Variants in EXOC6B observed in about 807,000 individuals in gnomAD.
The protein encoded by EXOC6B is exocyst complex component 6B, also known as SEC15 homolog B.
EXOC6B carries 54 observed loss-of-function variants against 113.5 expected under a neutral mutation model. The observed-to-expected ratio is 0.48, with a 90% CI of 0.38 to 0.60. EXOC6B has a LOEUF of 0.60. EXOC6B is among the 20% of genes least tolerant of loss of function. EXOC6B has a pLI of 0.00. For synonymous variants in EXOC6B, 357 were observed against 339.0 expected (o/e 1.05, Z -0.58); for missense variants, 797 against 977.5 (o/e 0.82, Z 2.46).
intron 20 of EXOC6B, among the ~76,000 whole-genome samples, chr2:72,309,850 G>A (rs187438164): frequency 6.6e-6 from 1 of 152,150 alleles, no homozygotes; most frequent in Admixed American, 6.5e-5. Flanking sequence ...TCTACTTTCT[G>A]TCTCTATGGA....
chr2:72,498,071 AAT>A (rs1008040811), intron 13 of EXOC6B, among the ~76,000 whole-genome samples: 8 of 152,230 alleles, frequency 5.3e-5, no homozygotes, highest in Admixed American at 2.0e-4. Flanking sequence ...TAAGTGCTCA[AAT>A]GTTACTCACT....
At chr2:72,227,049 C>A (rs1681289423) in intron 20 of EXOC6B, among the ~76,000 whole-genome samples, 1 of 151,368 alleles carries the variant, frequency 6.6e-6, no homozygotes, top group Non-Finnish European at 1.5e-5. Flanking sequence ...ATTTTAAAAC[C>A]AAAATATAAA....
chr2:72,722,727 G>A (rs1334495587), intron 5 of EXOC6B, among the ~76,000 whole-genome samples: 1 of 152,158 alleles, frequency 6.6e-6, no homozygotes, highest in Non-Finnish European at 1.5e-5. Flanking sequence ...TTCCTCTAGA[G>A]AGAAACTTTA....
At chr2:72,503,214 T>G (rs938715110) in intron 11 of EXOC6B, among the ~76,000 whole-genome samples, 1 of 152,182 alleles carries the variant, frequency 6.6e-6, no homozygotes, top group African/African-American at 2.4e-5. Context: ...ACAAAACCCA[T>G]AGTTTACATT....
intron 17 of EXOC6B, among the ~76,000 whole-genome samples, chr2:72,469,808 T>C (rs780674869): frequency 5.6e-4 from 85 of 152,218 alleles, no homozygotes; most frequent in Non-Finnish European, 1.1e-3. Context: ...ACACTGATTT[T>C]TCTGCCTCCT....
chr2:72,315,150 A>G (rs532834302), intron 20 of EXOC6B, among the ~76,000 whole-genome samples: 1 of 152,300 alleles, frequency 6.6e-6, no homozygotes, highest in African/African-American at 2.4e-5. Flanking sequence ...TGACTTGAAT[A>G]TCAAGACCTG....
intron 19 of EXOC6B, among the ~76,000 whole-genome samples, chr2:72,344,479 A>C (rs757894068): frequency 1.3e-5 from 2 of 151,642 alleles, no homozygotes; most frequent in African/African-American, 2.4e-5. Flanking sequence ...CATGGGCAAT[A>C]CTTTCCTGTT....
At position 72,374,492 on chromosome 2, in the gene EXOC6B, C is replaced by G. The variant is rs78259798; in HGVS notation, c.2122+5237G>C. On this transcript the variant is annotated intron_variant, in intron 19 of 21. Transcript: ENST00000272427. ...TCACTTATATGTAGGATCTAAAAATCAAAACAATTAAACTCATGAAGCTAG... is the reference window on the plus strand; with the variant it reads ...TCACTTATATGTAGGATCTAAAAATGAAAACAATTAAACTCATGAAGCTAG... Among the ~76,000 whole-genome samples the G allele has an allele frequency of 1.9e-3, 295 of 151,964 alleles. 2 individuals are homozygous for G. The highest frequency in any genetic ancestry group is 6.8e-3 in the African/African-American group (282 of 41,464).
chr2:72,374,868 C>A, intron 19 of EXOC6B, among the ~76,000 whole-genome samples: 1 of 149,776 alleles, frequency 6.7e-6, no homozygotes, highest in African/African-American at 2.5e-5. Context: ...CTAACCAACC[C>A]AATTAAAAAT....
chr2:72,222,763 T>C (rs1680956383), intron 20 of EXOC6B, among the ~76,000 whole-genome samples: 1 of 152,158 alleles, frequency 6.6e-6, no homozygotes, highest in Admixed American at 6.6e-5. Context: ...TGTATCTCAT[T>C]TAATGCATCA....
intron 18 of EXOC6B, among the ~76,000 whole-genome samples, chr2:72,419,005 T>C (rs1334516034): frequency 6.6e-6 from 1 of 152,196 alleles, no homozygotes; most frequent in African/African-American, 2.4e-5. Flanking sequence ...GTGGTTATAA[T>C]ATAGGTTATG....
chr2:72,690,951 A>G (rs1677441563), intron 6 of EXOC6B, among the ~76,000 whole-genome samples: 1 of 152,166 alleles, frequency 6.6e-6, no homozygotes, highest in Non-Finnish European at 1.5e-5. Flanking sequence ...CCTTAATCCA[A>G]TATGATTGGC....
chr2:72,811,423 C>A (rs1017543643), intron 1 of EXOC6B, among the ~76,000 whole-genome samples: 1 of 152,138 alleles, frequency 6.6e-6, no homozygotes, highest in Non-Finnish European at 1.5e-5. Flanking sequence ...TTTACACAGT[C>A]AATTGAATTT....
chr2:72,222,616 A>T (rs964152674), intron 20 of EXOC6B, among the ~76,000 whole-genome samples: 3 of 152,146 alleles, frequency 2.0e-5, no homozygotes, highest in African/African-American at 7.2e-5. Flanking sequence ...AGTGTCTCAT[A>T]ATTGTGTCCT....
At chr2:72,647,730 T>A (rs1289214029) in intron 6 of EXOC6B, among the ~76,000 whole-genome samples, 1 of 152,172 alleles carries the variant, frequency 6.6e-6, no homozygotes, top group Non-Finnish European at 1.5e-5. Context: ...TAGCTATACA[T>A]AGAAAGCTGA....
chr2:72,661,113 C>T (rs1219416654), intron 6 of EXOC6B, among the ~76,000 whole-genome samples: 1 of 145,432 alleles, frequency 6.9e-6, no homozygotes, highest in Non-Finnish European at 1.5e-5. Context: ...AGCTATAGGG[C>T]CAAGAGGGTG....
chr2:72,294,118 A>G (rs1345950087), intron 20 of EXOC6B, among the ~76,000 whole-genome samples: 1 of 152,130 alleles, frequency 6.6e-6, no homozygotes, highest in East Asian at 1.9e-4. Context: ...TAAACATTAA[A>G]GTTAGTAATA....
chr2:72,201,811 G>A (rs866356558), intron 20 of EXOC6B, among the ~76,000 whole-genome samples: 2 of 152,284 alleles, frequency 1.3e-5, no homozygotes, highest in South Asian at 4.1e-4. Flanking sequence ...CATAGTTATT[G>A]TGTGAGGTTG....
In EXOC6B at chr2:72,266,971, C is replaced by T. The variant is rs535481932; in HGVS notation, c.2196+67976G>A. Among the ~76,000 whole-genome samples, 25 of 152,304 alleles carry T rather than the reference C, an allele frequency of 1.6e-4. 1 individual carries two copies. The highest frequency in any genetic ancestry group is 4.6e-4 in the African/African-American group (19 of 41,570). On this transcript the variant is annotated intron_variant, in intron 20 of 21. Coordinates refer to ENST00000272427, the MANE Select transcript of EXOC6B (RefSeq NM_015189.3). ...TAGTTCTCCTTGAAGAGGTCCTTCACGTCCCTTTTAAGTTGGATTCCTAAG... is the reference window on the plus strand; with the variant it reads ...TAGTTCTCCTTGAAGAGGTCCTTCATGTCCCTTTTAAGTTGGATTCCTAAG...
Sources: allele counts gnomAD v4.1 joint callset (sites outside exome capture counted in the v4.1 genomes callset), GRCh38; gene constraint gnomAD v4.1.1; transcripts MANE v1.5; gene names NCBI Gene and HGNC (gene_info 2026-07-23, HGNC 2026-07-21).